Variants in PTPRD observed in about 807,000 individuals in gnomAD.
The protein encoded by PTPRD is protein tyrosine phosphatase receptor type D.
In PTPRD, 34 loss-of-function variants were observed where a neutral mutation model predicts 214.5. That is an observed-to-expected ratio of 0.16 (90% CI 0.12 to 0.21). The LOEUF (loss-of-function observed/expected upper bound fraction) is 0.21. Among genes scored for constraint, PTPRD ranks in the 10% least tolerant of loss-of-function variants. The pLI is 1.00. For missense variants in PTPRD, 2,545 were observed against 2,398.7 expected (o/e 1.06, Z -1.27); for synonymous variants, 1,128 against 845.7 (o/e 1.33, Z -5.79).
intron 10 of PTPRD, among the ~76,000 whole-genome samples, chr9:9,029,979 T>A (rs777881910): frequency 1.3e-5 from 2 of 151,938 alleles, no homozygotes; most frequent in Non-Finnish European, 2.9e-5. Context: ...AGCCAGGAAC[T>A]GAACCATGGG....
At chr9:8,329,918 T>G (rs1236055676) in intron 44 of PTPRD, among the ~76,000 whole-genome samples, 1 of 147,362 alleles carries the variant, frequency 6.8e-6, no homozygotes, top group Non-Finnish European at 1.5e-5. Context: ...CGCAGTGAGA[T>G]TTTCAAGCCA....
At chr9:9,067,688 C>T (rs1200745006) in intron 10 of PTPRD, among the ~76,000 whole-genome samples, 1 of 152,152 alleles carries the variant, frequency 6.6e-6, no homozygotes, top group Non-Finnish European at 1.5e-5. Context: ...TAAGAAATAA[C>T]ACAGAGAGAC....
chr9:9,413,810 G>C (rs2076227965), intron 8 of PTPRD, among the ~76,000 whole-genome samples: 1 of 152,168 alleles, frequency 6.6e-6, no homozygotes, highest in Non-Finnish European at 1.5e-5. Context: ...TTTTAAAGTA[G>C]TAATCACACT....
At chr9:8,608,482 C>T (rs2095322517) in intron 14 of PTPRD, among the ~76,000 whole-genome samples, 1 of 152,092 alleles carries the variant, frequency 6.6e-6, no homozygotes, top group African/African-American at 2.4e-5. Context: ...GCAGAGCGCT[C>T]AAATCTAAAG....
chr9:9,514,690 G>A (rs892367389), intron 8 of PTPRD, among the ~76,000 whole-genome samples: 4 of 151,990 alleles, frequency 2.6e-5, no homozygotes, highest in African/African-American at 9.7e-5. Flanking sequence ...GACATCCTAA[G>A]TTTAAAAATG....
At position 9,832,092 on chromosome 9, in the gene PTPRD, G is replaced by C. The variant is rs145666715; in HGVS notation, c.-367-65241C>G. Among the ~76,000 whole-genome samples, 6 of 152,010 alleles carry C rather than the reference G, an allele frequency of 3.9e-5. No homozygotes were observed. The South Asian group carries it at 8.3e-4, about 21-fold the overall frequency. On this transcript the variant is annotated intron_variant, in intron 5 of 45. Transcript: ENST00000381196. ...TAAAAACACCTCTCCAGTATATAAG[G>C]GTAATAACTTGCCTATAATCTTGAA...
intron 10 of PTPRD, among the ~76,000 whole-genome samples, chr9:9,152,694 C>T (rs866229184): frequency 1.6e-4 from 25 of 152,188 alleles, no homozygotes; most frequent in African/African-American, 4.8e-4. Flanking sequence ...CCAAAAGAGG[C>T]TGATCTCATT....
At chr9:9,993,189 G>T (rs987027864) in intron 4 of PTPRD, among the ~76,000 whole-genome samples, 3 of 152,044 alleles carry the variant, frequency 2.0e-5, no homozygotes, top group African/African-American at 7.2e-5. Flanking sequence ...TCTCCTGGTG[G>T]GAGTATAAAT....
intron 7 of PTPRD, among the ~76,000 whole-genome samples, chr9:9,728,250 C>A (rs997697878): frequency 2.6e-5 from 4 of 152,110 alleles, no homozygotes; most frequent in African/African-American, 9.7e-5. Context: ...TCTTTATCTG[C>A]AGAGTGAAAA....
At chr9:10,096,255 T>C (rs1186921600) in intron 3 of PTPRD, among the ~76,000 whole-genome samples, 1 of 151,724 alleles carries the variant, frequency 6.6e-6, no homozygotes, top group Non-Finnish European at 1.5e-5. Flanking sequence ...ATATCTGCAA[T>C]TCTCTTTCAT....
chr9:9,755,485 G>T (rs564902596), intron 6 of PTPRD, among the ~76,000 whole-genome samples: 2 of 151,974 alleles, frequency 1.3e-5, no homozygotes, highest in Non-Finnish European at 2.9e-5. Context: ...TCTTCCTCAG[G>T]CCTTTGGAGG....
intron 5 of PTPRD, among the ~76,000 whole-genome samples, chr9:9,785,398 C>G (rs747748962): frequency 6.6e-6 from 1 of 152,046 alleles, no homozygotes; most frequent in East Asian, 1.9e-4. Flanking sequence ...TTCTCATAGA[C>G]AAAGTATATA....
At chr9:10,070,267 AT>A (rs1228464852) in intron 3 of PTPRD, among the ~76,000 whole-genome samples, 1 of 152,068 alleles carries the variant, frequency 6.6e-6, no homozygotes, top group Non-Finnish European at 1.5e-5. Context: ...AAGCTCTTCC[AT>A]TCCCTCATTA....
intron 5 of PTPRD, among the ~76,000 whole-genome samples, chr9:9,837,583 T>C (rs2057139923): frequency 6.6e-6 from 1 of 152,056 alleles, no homozygotes; most frequent in African/African-American, 2.4e-5. Context: ...TGACTTTTGA[T>C]GGGGTAAAGC....
intron 22 of PTPRD, 152 bp from the exon 23 acceptor site, chr9:8,504,557 C>A: frequency 3.7e-6 from 3 of 821,046 alleles, no homozygotes; most frequent in South Asian, 2.0e-5. Context: ...CAGGGCTATA[C>A]TAAGGAAATT....
At chr9:8,567,323 T>A (rs1322629360) in intron 14 of PTPRD, among the ~76,000 whole-genome samples, 1 of 152,174 alleles carries the variant, frequency 6.6e-6, no homozygotes, top group Non-Finnish European at 1.5e-5. Flanking sequence ...AGACAAATGT[T>A]CTTTAAGGCA....
intron 9 of PTPRD, among the ~76,000 whole-genome samples, chr9:9,371,809 T>G (rs1004454835): frequency 6.6e-6 from 1 of 152,144 alleles, no homozygotes; most frequent in Non-Finnish European, 1.5e-5. Context: ...TCTGGTATGT[T>G]GTGTCTTTGT....
intron 14 of PTPRD, among the ~76,000 whole-genome samples, chr9:8,569,807 C>A (rs1265067258): frequency 1.3e-5 from 2 of 152,002 alleles, no homozygotes; most frequent in Non-Finnish European, 2.9e-5. Context: ...AAAAACCATA[C>A]TAATTAGAAA....
intron 3 of PTPRD, among the ~76,000 whole-genome samples, chr9:10,134,280 G>A (rs953771489): frequency 6.6e-6 from 1 of 152,136 alleles, no homozygotes; most frequent in Non-Finnish European, 1.5e-5. Context: ...AGGGAGAAGG[G>A]AGCACAGCCT....
Sources: gnomAD v4.1 joint callset for allele counts (sites outside exome capture counted in the v4.1 genomes callset) on GRCh38, gnomAD v4.1.1 for gene constraint, MANE v1.5 for transcripts, NCBI Gene and HGNC (gene_info 2026-07-23, HGNC 2026-07-21) for gene names.